LTBP1: variants seen among roughly 807,000 people sequenced by gnomAD.
LTBP1 encodes the protein latent transforming growth factor beta binding protein 1, also known as latent-transforming growth factor beta-binding protein 1.
LTBP1 carries 129 observed loss-of-function variants against 207.6 expected under a neutral mutation model. That is an observed-to-expected ratio of 0.62 (90% confidence interval 0.54 to 0.72). The LOEUF is 0.72. Among genes scored for constraint, LTBP1 ranks in the 30% least tolerant of loss-of-function variants. The pLI, the probability that LTBP1 is intolerant of heterozygous loss-of-function variation, is 0.00. For synonymous variants in LTBP1, 963 were observed against 833.7 expected (o/e 1.16, Z -2.67); for missense variants, 2,281 against 2,217.2 (o/e 1.03, Z -0.58).
chr2:32,954,430 G>T (rs1369973666), intron 2 of LTBP1, among the ~76,000 whole-genome samples: 25 of 152,222 alleles, frequency 1.6e-4, no homozygotes, highest in African/African-American at 5.3e-4. Context: ...TTGGCCTGTA[G>T]ATGGCCGTCT....
rs185738409 is a variant in LTBP1 at position 33,229,395 on chromosome 2, G to A, written c.1876+7244G>A. ...AAGCTGAGGCAGAAGGGTTGCTTGA[G>A]TCCGGGAGTTCGAGGCTGCAGTGAG... On this transcript the variant is annotated intron_variant, in intron 9 of 33. Transcript: ENST00000404816. Among the ~76,000 whole-genome samples the A allele has an allele frequency of 3.5e-4, 53 of 152,194 alleles. 1 individual carries two copies. Among genetic ancestry groups the A allele is most frequent in the African/African-American group, 1.1e-3 (47 of 41,522 alleles).
chr2:33,030,000 A>C (rs2075617001), intron 3 of LTBP1, among the ~76,000 whole-genome samples: 2 of 152,168 alleles, frequency 1.3e-5, no homozygotes, highest in African/African-American at 2.4e-5. Flanking sequence ...TGGACTGTCT[A>C]CTGTAGACAC....
At chr2:33,101,835 A>G (rs1024202235) in intron 3 of LTBP1, among the ~76,000 whole-genome samples, 7 of 152,196 alleles carry the variant, frequency 4.6e-5, no homozygotes, top group African/African-American at 1.4e-4. Flanking sequence ...TATTAACAAT[A>G]TCTCTTTCAA....
chr2:33,169,210 C>T (rs1199507618), intron 5 of LTBP1, among the ~76,000 whole-genome samples: 1 of 152,186 alleles, frequency 6.6e-6, no homozygotes, highest in Non-Finnish European at 1.5e-5. Context: ...GAACGTTTCT[C>T]TGCTTTTGTG....
intron 2 of LTBP1, among the ~76,000 whole-genome samples, chr2:32,967,376 G>C (rs780298152): frequency 6.6e-6 from 1 of 151,644 alleles, no homozygotes. Context: ...TTAATTTGCT[G>C]CTCTTTTTCT....
chr2:33,174,040 G>A (rs2085754321), intron 5 of LTBP1, among the ~76,000 whole-genome samples: 1 of 140,788 alleles, frequency 7.1e-6, no homozygotes. Context: ...CAAACCCACA[G>A]CCAATATCAT....
chr2:33,266,615 C>A (rs1446794511), intron 15 of LTBP1, among the ~76,000 whole-genome samples: 1 of 152,088 alleles, frequency 6.6e-6, no homozygotes, highest in Non-Finnish European at 1.5e-5. Context: ...ATTCTGAGCC[C>A]ATAAAAACCC....
chr2:32,971,453 G>T (rs1680869015), intron 2 of LTBP1, among the ~76,000 whole-genome samples: 1 of 151,992 alleles, frequency 6.6e-6, no homozygotes, highest in Non-Finnish European at 1.5e-5. Context: ...TTATTATTTT[G>T]AGGAAAATTA....
At chr2:32,959,409 T>C (rs1207077453) in intron 2 of LTBP1, among the ~76,000 whole-genome samples, 1 of 151,802 alleles carries the variant, frequency 6.6e-6, no homozygotes, top group Non-Finnish European at 1.5e-5. Flanking sequence ...AATATGATAA[T>C]AAAGTAAGGA....
At chr2:33,158,148 C>A (rs146090123) in intron 5 of LTBP1, among the ~76,000 whole-genome samples, 16,853 of 112,562 alleles carry the variant, frequency 0.15, 527 homozygotes, top group African/African-American at 0.22. Flanking sequence ...AAAAAAAAAA[C>A]AAAAAAAAAA....
At chr2:33,002,382 A>G (rs1686164820) in intron 2 of LTBP1, among the ~76,000 whole-genome samples, 1 of 152,220 alleles carries the variant, frequency 6.6e-6, no homozygotes, top group Non-Finnish European at 1.5e-5. Context: ...GGGTAAGGAC[A>G]GGTAAAACCA....
intron 24 of LTBP1, among the ~76,000 whole-genome samples, chr2:33,325,250 T>C (rs935943735): frequency 6.6e-6 from 1 of 152,234 alleles, no homozygotes; most frequent in Non-Finnish European, 1.5e-5. Context: ...AGAGGTACAC[T>C]GTCTATTTTC....
At chr2:33,138,659 C>T (rs912850495) in intron 5 of LTBP1, among the ~76,000 whole-genome samples, 9 of 152,118 alleles carry the variant, frequency 5.9e-5, no homozygotes, top group Non-Finnish European at 1.3e-4. Flanking sequence ...CATATAAATT[C>T]GTGTCACAAC....
At chr2:33,276,009 A>G in intron 18 of LTBP1, 86 bp downstream of exon 18, 3 of 1,472,104 alleles carry the variant, frequency 2.0e-6, no homozygotes, top group Non-Finnish European at 2.7e-6. Context: ...TCCTTCCCAC[A>G]CTCAGTGCGT....
intron 2 of LTBP1, among the ~76,000 whole-genome samples, chr2:32,992,883 G>A (rs1684638340): frequency 6.6e-6 from 1 of 152,144 alleles, no homozygotes; most frequent in African/African-American, 2.4e-5. Context: ...GGAGTAGGGA[G>A]TGGGAAACAG....
At chr2:33,018,354 G>T (rs1365282734) in intron 2 of LTBP1, among the ~76,000 whole-genome samples, 1 of 152,000 alleles carries the variant, frequency 6.6e-6, no homozygotes, top group Admixed American at 6.5e-5. Context: ...AGCCTTCCTG[G>T]TAGAAAACAC....
chr2:33,078,862 C>CTTTTCTTTTTTTTTTTTTTTTTTTTTTT (rs1367646259), intron 3 of LTBP1, among the ~76,000 whole-genome samples: 3 of 106,888 alleles, frequency 2.8e-5, no homozygotes, highest in Non-Finnish European at 3.6e-5. Flanking sequence ...CTTTTCTTTT[C>CTTTTCTTTTTTTTTTTTTTTTTTTTTTT]TTTTTTTTTT....
chr2:33,063,011 A>G (rs2077340929), intron 3 of LTBP1: 1 of 152,244 alleles, frequency 6.6e-6, no homozygotes, highest in South Asian at 2.1e-4. Context: ...TATGAGACTG[A>G]AACCATGGGT....
chr2:33,289,543 G>A (rs1470769769), intron 19 of LTBP1, among the ~76,000 whole-genome samples: 2 of 151,870 alleles, frequency 1.3e-5, no homozygotes, highest in Non-Finnish European at 2.9e-5. Context: ...AAAAAAATTT[G>A]TGTGTGGAGA....
Sources: gnomAD v4.1 joint callset for allele counts (sites outside exome capture counted in the v4.1 genomes callset) on GRCh38, gnomAD v4.1.1 for gene constraint, MANE v1.5 for transcripts, NCBI Gene and HGNC (gene_info 2026-07-23, HGNC 2026-07-21) for gene names.